The following OXR1 variants were observed in gnomAD, a reference collection of about 807,000 sequenced individuals.
OXR1 encodes oxidation resistance protein 1.
A neutral mutation model predicts 104.6 loss-of-function variants in OXR1; 41 were observed. That is an observed-to-expected ratio of 0.39 (90% CI 0.31 to 0.51). The LOEUF (loss-of-function observed/expected upper bound fraction) is 0.51, where lower values mean the gene tolerates loss of function less well. Among genes scored for constraint, OXR1 ranks in the 20% least tolerant of loss-of-function variants. OXR1 has a pLI of 0.77. For missense variants in OXR1, 955 were observed against 1,031.9 expected, an observed-to-expected ratio of 0.93 and a Z score of 1.02; for synonymous variants, 348 against 348.4, an observed-to-expected ratio of 1.00 and a Z score of 0.01.
At chr8:106,652,018 C>T (rs759876608) in intron 3 of OXR1, among the ~76,000 whole-genome samples, 14 of 152,032 alleles carry the variant, frequency 9.2e-5, no homozygotes, top group Non-Finnish European at 1.3e-4. Flanking sequence ...TTTGATGCTA[C>T]TATAAATGGA....
chr8:106,301,614 A>G (rs761448972), intron 1 of OXR1, among the ~76,000 whole-genome samples: 3 of 152,216 alleles, frequency 2.0e-5, no homozygotes, highest in Non-Finnish European at 2.9e-5. Flanking sequence ...TTGATTGTAA[A>G]TAGTACCCAG....
intron 3 of OXR1, among the ~76,000 whole-genome samples, chr8:106,526,764 C>A (rs1370999707): frequency 1.3e-5 from 2 of 152,320 alleles, no homozygotes; most frequent in South Asian, 2.1e-4. Flanking sequence ...AGGATGGTCT[C>A]TATCTCCTGA....
intron 3 of OXR1, among the ~76,000 whole-genome samples, chr8:106,637,279 G>A (rs1351135457): frequency 6.6e-6 from 1 of 152,082 alleles, no homozygotes; most frequent in Non-Finnish European, 1.5e-5. Context: ...GGAGCATGAT[G>A]CTATTTTAAA....
intron 3 of OXR1, among the ~76,000 whole-genome samples, chr8:106,655,790 A>G (rs1002347292): frequency 2.6e-5 from 4 of 152,202 alleles, no homozygotes; most frequent in African/African-American, 9.6e-5. Context: ...GTTTAAATCA[A>G]AGATTGTAAG....
At chr8:106,471,939 G>A (rs1821513044) in intron 2 of OXR1, among the ~76,000 whole-genome samples, 1 of 151,760 alleles carries the variant, frequency 6.6e-6, no homozygotes, top group African/African-American at 2.4e-5. Context: ...TTCAATTATT[G>A]AAATCTGGAA....
intron 2 of OXR1, among the ~76,000 whole-genome samples, chr8:106,476,264 G>A (rs1016701104): frequency 3.3e-5 from 5 of 151,866 alleles, no homozygotes; most frequent in Non-Finnish European, 7.4e-5. Flanking sequence ...GTGGCCAGGA[G>A]CATTTTCCGA....
At chr8:106,345,810 G>T (rs1343446973) in intron 1 of OXR1, among the ~76,000 whole-genome samples, 3 of 152,138 alleles carry the variant, frequency 2.0e-5, no homozygotes, top group Non-Finnish European at 2.9e-5. Flanking sequence ...AAGCTTCCCT[G>T]TGTCACTCAA....
At chr8:106,362,037 C>A (rs1427819560) in intron 2 of OXR1, among the ~76,000 whole-genome samples, 1 of 152,174 alleles carries the variant, frequency 6.6e-6, no homozygotes, top group Non-Finnish European at 1.5e-5. Context: ...CAGGATACAC[C>A]TGTCAATAGA....
chr8:106,402,911 C>T (rs2130480426), intron 2 of OXR1, among the ~76,000 whole-genome samples: 1 of 152,228 alleles, frequency 6.6e-6, no homozygotes, highest in East Asian at 1.9e-4. Flanking sequence ...AGCTCCGCCT[C>T]CCAGGTTCAC....
intron 2 of OXR1, among the ~76,000 whole-genome samples, chr8:106,407,178 A>G (rs1818277481): frequency 6.6e-6 from 1 of 152,154 alleles, no homozygotes. Context: ...ATTAATGTAT[A>G]CTTATGTATG....
At chr8:106,628,011 A>G (rs965208595) in intron 3 of OXR1, among the ~76,000 whole-genome samples, 2 of 152,118 alleles carry the variant, frequency 1.3e-5, no homozygotes, top group Non-Finnish European at 2.9e-5. Context: ...TTTCCAATCC[A>G]TTATCCACAC....
intron 11 of OXR1, among the ~76,000 whole-genome samples, chr8:106,737,044 A>G (rs1205616986): frequency 2.6e-5 from 4 of 152,166 alleles, no homozygotes; most frequent in African/African-American, 9.7e-5. Context: ...TTTCTGTTAT[A>G]GATGGGTATG....
chr8:106,480,209 C>T (rs1326936868), intron 2 of OXR1, among the ~76,000 whole-genome samples: 1 of 151,904 alleles, frequency 6.6e-6, no homozygotes, highest in Non-Finnish European at 1.5e-5. Context: ...CTTGAAAGAT[C>T]AACTGATTTT....
intron 5 of OXR1, 60 bp downstream of exon 5, chr8:106,683,366 AT>A (rs1828370011): frequency 1.2e-6 from 1 of 817,788 alleles, no homozygotes; most frequent in Non-Finnish European, 2.1e-6. Context: ...GGCAGAAAGT[AT>A]TTATTGTACT....
At chr8:106,359,432 T>C in intron 1 of OXR1, 44 bp from the exon 2 acceptor site, 1 of 563,290 alleles carries the variant, frequency 1.8e-6, no homozygotes, top group Non-Finnish European at 3.2e-6. Context: ...ACAAACCACA[T>C]AGACCAGGTA....
At chr8:106,388,830 A>C (rs1817485169) in intron 2 of OXR1, among the ~76,000 whole-genome samples, 1 of 152,222 alleles carries the variant, frequency 6.6e-6, no homozygotes, top group Non-Finnish European at 1.5e-5. Flanking sequence ...GCTTAGGCCA[A>C]TAAGCTAGGC....
intron 3 of OXR1, among the ~76,000 whole-genome samples, chr8:106,526,765 T>A (rs112427474): frequency 3.7e-4 from 56 of 152,318 alleles, no homozygotes; most frequent in Non-Finnish European, 5.9e-4. Flanking sequence ...GGATGGTCTC[T>A]ATCTCCTGAC....
chr8:106,311,415 G>A (rs181724419), intron 1 of OXR1, among the ~76,000 whole-genome samples: 4 of 151,926 alleles, frequency 2.6e-5, no homozygotes, highest in African/African-American at 9.7e-5. Flanking sequence ...AACTTGTTGA[G>A]TGGTAAGCAT....
At chr8:106,493,206 A>G (rs528996622) in intron 2 of OXR1, among the ~76,000 whole-genome samples, 1 of 152,292 alleles carries the variant, frequency 6.6e-6, no homozygotes, top group African/African-American at 2.4e-5. Flanking sequence ...AATTTAGAGA[A>G]AAGCTATTTT....
Sources: allele counts gnomAD v4.1 joint callset (sites outside exome capture counted in the v4.1 genomes callset), GRCh38; gene constraint gnomAD v4.1.1; transcripts MANE v1.5; gene names NCBI Gene and HGNC (gene_info 2026-07-23, HGNC 2026-07-21).